Variants in SGCD observed in about 807,000 individuals in gnomAD.
SGCD encodes delta-sarcoglycan.
A neutral mutation model predicts 36.6 loss-of-function variants in SGCD; 18 were observed. The observed-to-expected ratio is 0.49, with a 90% CI of 0.34 to 0.73. SGCD has a LOEUF of 0.73. SGCD is among the 30% of genes least tolerant of loss of function. The pLI is 0.01. For synonymous variants in SGCD, 133 were observed against 130.6 expected, an observed-to-expected ratio of 1.02 and a Z score of -0.12; for missense variants, 387 against 346.7, an observed-to-expected ratio of 1.12 and a Z score of -0.92.
At chr5:155,949,754 A>G (rs936862853) in intron 1 of SGCD, among the ~76,000 whole-genome samples, 1 of 152,186 alleles carries the variant, frequency 6.6e-6, no homozygotes, top group Non-Finnish European at 1.5e-5. Flanking sequence ...TTACAGTGGC[A>G]TAGCTGAGTA....
intron 2 of SGCD, among the ~76,000 whole-genome samples, chr5:156,330,017 A>C (rs1417122911): frequency 3.4e-5 from 2 of 59,298 alleles, no homozygotes; most frequent in East Asian, 3.1e-4. Context: ...ATTCAGTCTC[A>C]AAAAAAAAAA....
chr5:155,774,210 C>A, the SGCD span, among the ~76,000 whole-genome samples: 1 of 152,076 alleles, frequency 6.6e-6, no homozygotes, highest in South Asian at 2.1e-4. Context: ...AGAGGCCAGC[C>A]TGCTAGCTTT....
chr5:156,744,522 C>T (rs1756851812), intron 7 of SGCD, among the ~76,000 whole-genome samples: 1 of 152,190 alleles, frequency 6.6e-6, no homozygotes. Context: ...CATCATTCTC[C>T]CCCACTTCAC....
intron 3 of SGCD, among the ~76,000 whole-genome samples, chr5:156,169,379 A>T (rs1763290769): frequency 6.6e-6 from 1 of 152,168 alleles, no homozygotes; most frequent in Non-Finnish European, 1.5e-5. Context: ...CTCCCTTGGG[A>T]TAGAAAGACA....
rs780718507 is a variant in SGCD, at chr5:156,713,179, A to G, written c.576-44402A>G. ...GTCCACTACGACTTGGCTAGGTAGG[A>G]CAGACAAGAATTTCCTTCCCTACCC... On this transcript the variant is annotated intron_variant, in intron 7 of 8. Transcript: ENST00000337851. Among the ~76,000 whole-genome samples the G allele has an allele frequency of 1.6e-3, 251 of 152,248 alleles. 2 individuals carry two copies. Among genetic ancestry groups the G allele is most frequent in the Non-Finnish European group, 1.9e-3 (127 of 68,016 alleles).
At chr5:156,112,119 C>T (rs1761803167) in intron 1 of SGCD, among the ~76,000 whole-genome samples, 1 of 152,102 alleles carries the variant, frequency 6.6e-6, no homozygotes, top group Admixed American at 6.6e-5. Flanking sequence ...ATTTGTTTTC[C>T]TTTTTATAAA....
At position 156,330,233 on chromosome 5, in the gene SGCD, A is replaced by G. The variant is rs984309292; in HGVS notation, c.3+654A>G. Among the ~76,000 whole-genome samples the G allele has an allele frequency of 4.6e-5, 7 of 152,152 alleles. No individual in the cohort carries two copies. In the South Asian group the frequency reaches 1.5e-3, roughly 32 times the overall value. ...ATGCTGAATGGTAAGTATAATGCAA[A>G]TATTCCAAAAATCCAAAAAAATCTG... On this transcript the variant is annotated intron_variant, in intron 2 of 8. Transcript: ENST00000337851.
intron 7 of SGCD, among the ~76,000 whole-genome samples, chr5:156,731,020 TG>T (rs1756033301): frequency 6.6e-6 from 1 of 152,206 alleles, no homozygotes; most frequent in Non-Finnish European, 1.5e-5. Flanking sequence ...TTTTTTCATG[TG>T]TTTCTTGGCC....
At chr5:156,430,231 C>G (rs754125521) in intron 3 of SGCD, among the ~76,000 whole-genome samples, 1 of 151,908 alleles carries the variant, frequency 6.6e-6, no homozygotes, top group Non-Finnish European at 1.5e-5. Flanking sequence ...TTTTCTTTAT[C>G]TGATTGGTTT....
the SGCD span, among the ~76,000 whole-genome samples, chr5:155,823,696 T>G: frequency 6.6e-6 from 1 of 152,220 alleles, no homozygotes; most frequent in Admixed American, 6.5e-5. Flanking sequence ...CAGCTTCTGG[T>G]GACTAGCTGC....
intron 1 of SGCD, among the ~76,000 whole-genome samples, chr5:156,067,843 C>T (rs1417480947): frequency 2.8e-5 from 4 of 140,616 alleles, no homozygotes; most frequent in Non-Finnish European, 5.9e-5. Flanking sequence ...CACTGTCTGG[C>T]ACTCCCTAGA....
chr5:156,232,110 G>A (rs980891288), intron 3 of SGCD, among the ~76,000 whole-genome samples: 1 of 152,180 alleles, frequency 6.6e-6, no homozygotes, highest in African/African-American at 2.4e-5. Flanking sequence ...AAAACAAAGA[G>A]GAGAGCCAAC....
At chr5:156,274,954 T>G (rs1766279224) in intron 3 of SGCD, among the ~76,000 whole-genome samples, 1 of 152,176 alleles carries the variant, frequency 6.6e-6, no homozygotes, top group South Asian at 2.1e-4. Context: ...AAGGATAGCC[T>G]GAGAGTGCTA....
chr5:155,876,155 C>T (rs1163314227), intron 1 of SGCD, among the ~76,000 whole-genome samples: 1 of 150,230 alleles, frequency 6.7e-6, no homozygotes, highest in East Asian at 2.0e-4. Flanking sequence ...CCCACTAACT[C>T]ATCATCTAGC....
At chr5:156,407,088 G>A (rs904306246) in intron 3 of SGCD, among the ~76,000 whole-genome samples, 1 of 151,932 alleles carries the variant, frequency 6.6e-6, no homozygotes, top group African/African-American at 2.4e-5. Flanking sequence ...AAGCTTATTA[G>A]ATGGTGCCCA....
At chr5:156,649,217 G>C (rs1763357254) in intron 7 of SGCD, among the ~76,000 whole-genome samples, 1 of 152,160 alleles carries the variant, frequency 6.6e-6, no homozygotes, top group Non-Finnish European at 1.5e-5. Context: ...AACAACAGAT[G>C]CTGGAGAGGA....
chr5:156,477,726 C>T (rs1375025789), intron 3 of SGCD, among the ~76,000 whole-genome samples: 1 of 148,192 alleles, frequency 6.7e-6, no homozygotes, highest in Non-Finnish European at 1.5e-5. Flanking sequence ...GTCATAGGCA[C>T]TTCTTCTGAA....
At chr5:156,570,364 G>A (rs1194872284) in intron 4 of SGCD, among the ~76,000 whole-genome samples, 2 of 152,180 alleles carry the variant, frequency 1.3e-5, no homozygotes, top group South Asian at 2.1e-4. Context: ...CATTCAGGGT[G>A]TCCACATTCT....
At chr5:156,757,249 T>TTGAC (rs1446498971) in intron 7 of SGCD, among the ~76,000 whole-genome samples, 1 of 111,440 alleles carries the variant, frequency 9.0e-6, no homozygotes, top group Non-Finnish European at 1.7e-5. Flanking sequence ...AGATCCGGGA[T>TTGAC]TGACTTACTT....
Sources: gnomAD v4.1 joint callset for allele counts (sites outside exome capture counted in the v4.1 genomes callset) on GRCh38, gnomAD v4.1.1 for gene constraint, MANE v1.5 for transcripts, NCBI Gene and HGNC (gene_info 2026-07-23, HGNC 2026-07-21) for gene names.